Variants in GALNT17 observed in about 807,000 individuals in gnomAD.
The protein encoded by GALNT17 is UDP-GalNAc:polypeptide N-acetylgalactosaminyltransferase-like 3.
A neutral mutation model predicts 63.7 loss-of-function variants in GALNT17; 29 were observed. That is an observed-to-expected ratio of 0.46 (90% CI 0.34 to 0.62). The LOEUF is 0.62. Among genes scored for constraint, GALNT17 ranks in the 20% least tolerant of loss-of-function variants. The pLI, the probability that GALNT17 is intolerant of heterozygous loss-of-function variation, is 0.01. For missense variants in GALNT17, 603 were observed against 799.6 expected (o/e 0.75, Z 2.97); for synonymous variants, 305 against 318.3 (o/e 0.96, Z 0.45).
chr7:71,667,277 A>C (rs1790998736), intron 7 of GALNT17, among the ~76,000 whole-genome samples: 1 of 152,234 alleles, frequency 6.6e-6, no homozygotes, highest in African/African-American at 2.4e-5. Flanking sequence ...TGTTGTTATA[A>C]GTTTTGAAAT....
intron 5 of GALNT17, among the ~76,000 whole-genome samples, chr7:71,556,206 C>T (rs770797596): frequency 2.6e-5 from 4 of 152,276 alleles, no homozygotes; most frequent in South Asian, 2.1e-4. Flanking sequence ...CATTTGGTTC[C>T]GAGAACAATT....
At chr7:71,190,912 C>T (rs964427153) in intron 1 of GALNT17, among the ~76,000 whole-genome samples, 5 of 152,254 alleles carry the variant, frequency 3.3e-5, no homozygotes, top group South Asian at 2.1e-4. Context: ...ATTTTACAGG[C>T]ATGAGCCACT....
At chr7:71,655,049 G>A (rs73187191) in intron 6 of GALNT17, among the ~76,000 whole-genome samples, 34,016 of 151,886 alleles carry the variant, frequency 0.22, 4,149 homozygotes, top group Non-Finnish European at 0.27. Flanking sequence ...CTCAGCCCCC[G>A]AAAGTGCTGC....
intron 1 of GALNT17, among the ~76,000 whole-genome samples, chr7:71,282,685 A>G (rs188916978): frequency 9.3e-5 from 14 of 151,154 alleles, no homozygotes; most frequent in Admixed American, 7.9e-4. Context: ...ACTGGGGTCC[A>G]TCTCAAGGGA....
chr7:71,250,982 G>C (rs1337873555), intron 1 of GALNT17, among the ~76,000 whole-genome samples: 2 of 152,176 alleles, frequency 1.3e-5, no homozygotes, highest in African/African-American at 4.8e-5. Context: ...TTGGCTGTAG[G>C]TGAAAGCATA....
At chr7:71,657,894 ATGGATGGATGGG>A (rs1248502730) in intron 6 of GALNT17, among the ~76,000 whole-genome samples, 18 of 20,606 alleles carry the variant, frequency 8.7e-4, no homozygotes, top group African/African-American at 3.1e-3. Flanking sequence ...GGATGGATGG[ATGGATGGATGGG>A]TGGATGGATG....
At chr7:71,289,317 T>C (rs1476250401) in intron 1 of GALNT17, among the ~76,000 whole-genome samples, 1 of 152,186 alleles carries the variant, frequency 6.6e-6, no homozygotes, top group Non-Finnish European at 1.5e-5. Context: ...TTTGCTTTTA[T>C]GTACATTTAC....
chr7:71,310,967 G>C (rs1285373423), intron 1 of GALNT17, among the ~76,000 whole-genome samples: 1 of 152,204 alleles, frequency 6.6e-6, no homozygotes, highest in Non-Finnish European at 1.5e-5. Context: ...TTTGCAGGAG[G>C]TAACACCAGT....
intron 5 of GALNT17, among the ~76,000 whole-genome samples, chr7:71,468,399 TTTTTA>T (rs1434678794): frequency 6.6e-6 from 1 of 151,568 alleles, no homozygotes; most frequent in Non-Finnish European, 1.5e-5. Flanking sequence ...TCCTCCCATC[TTTTTA>T]TTTTATTTTA....
At chr7:71,137,041 C>T (rs1787796767) in intron 1 of GALNT17, among the ~76,000 whole-genome samples, 1 of 146,252 alleles carries the variant, frequency 6.8e-6, no homozygotes, top group African/African-American at 2.5e-5. Context: ...TTTCACCCCA[C>T]ACCCCACCTC....
chr7:71,151,785 A>G (rs996262977), intron 1 of GALNT17, among the ~76,000 whole-genome samples: 1 of 152,158 alleles, frequency 6.6e-6, no homozygotes, highest in Non-Finnish European at 1.5e-5. Context: ...TTGTAATTAT[A>G]AACAACTAAA....
At chr7:71,546,673 TACTC>T (rs776752746) in intron 5 of GALNT17, among the ~76,000 whole-genome samples, 2 of 152,208 alleles carry the variant, frequency 1.3e-5, no homozygotes, top group Non-Finnish European at 2.9e-5. Context: ...CAGATACTCT[TACTC>T]ACCTAAAAGC....
At chr7:71,265,193 C>G (rs1340919170) in intron 1 of GALNT17, among the ~76,000 whole-genome samples, 2 of 135,870 alleles carry the variant, frequency 1.5e-5, no homozygotes, top group Non-Finnish European at 3.1e-5. Context: ...GTGGCGCGAT[C>G]TTGGCTCACT....
At chr7:71,408,677 C>T (rs752768203) in intron 3 of GALNT17, among the ~76,000 whole-genome samples, 6 of 152,052 alleles carry the variant, frequency 3.9e-5, no homozygotes, top group Non-Finnish European at 7.4e-5. Flanking sequence ...AGTTTGAAAC[C>T]AGCCCGGGTA....
chr7:71,664,339 G>A (rs767516122), intron 6 of GALNT17, among the ~76,000 whole-genome samples: 4 of 151,586 alleles, frequency 2.6e-5, no homozygotes, highest in Non-Finnish European at 4.4e-5. Context: ...GCTGGGAGTA[G>A]TGGCACATGC....
chr7:71,412,404 T>A (rs891341910), intron 3 of GALNT17, among the ~76,000 whole-genome samples: 2 of 151,388 alleles, frequency 1.3e-5, no homozygotes, highest in African/African-American at 4.8e-5. Context: ...GGAGTCTCGC[T>A]CTGTTGCTGA....
At chr7:71,325,527 T>C (rs1791690396) in intron 1 of GALNT17, among the ~76,000 whole-genome samples, 2 of 152,216 alleles carry the variant, frequency 1.3e-5, no homozygotes, top group South Asian at 4.1e-4. Context: ...TCTAAAAGAA[T>C]AATGCTGGTT....
At chr7:71,396,762 CTATT>C (rs59236838) in intron 3 of GALNT17, among the ~76,000 whole-genome samples, 18,303 of 151,916 alleles carry the variant, frequency 0.12, 2,458 homozygotes, top group African/African-American at 0.34. Flanking sequence ...AGATGTCTTT[CTATT>C]TATTTATGTC....
At chr7:71,496,557 C>A (rs1788096829) in intron 5 of GALNT17, among the ~76,000 whole-genome samples, 1 of 152,160 alleles carries the variant, frequency 6.6e-6, no homozygotes, top group Non-Finnish European at 1.5e-5. Context: ...TTCCTTTCCA[C>A]CTGCCCTCCT....
Sources: gnomAD v4.1 joint callset for allele counts (sites outside exome capture counted in the v4.1 genomes callset) on GRCh38, gnomAD v4.1.1 for gene constraint, MANE v1.5 for transcripts, NCBI Gene and HGNC (gene_info 2026-07-23, HGNC 2026-07-21) for gene names.